NLRP2: variants seen among roughly 807,000 people sequenced by gnomAD.
The protein encoded by NLRP2 is NLR family pyrin domain containing 2, also known as NACHT, LRR and PYD domains-containing protein 2.
In NLRP2, 107 loss-of-function variants were observed where a neutral mutation model predicts 97.2. The ratio of observed to expected loss-of-function variants is 1.10; its 90% confidence interval spans 0.94 to 1.29. The LOEUF (loss-of-function observed/expected upper bound fraction) is 1.29, where lower values mean the gene tolerates loss of function less well. NLRP2 is among the 50% of genes most tolerant of loss of function. The probability of loss-of-function intolerance (pLI) is 0.00; values close to 1 mark genes in which losing one functional copy is unlikely to be tolerated. For synonymous variants in NLRP2, 663 were observed against 551.5 expected (o/e 1.20, Z -2.83); for missense variants, 1,495 against 1,330.3 (o/e 1.12, Z -1.93).
rs1654490 is a variant in NLRP2 at position 54,983,093 on chromosome 19, T to C, written c.1395T>C (p.Leu465=). 11 of 1,613,046 alleles carry C rather than the reference T, an allele frequency of 6.8e-6. No individual in the cohort carries two copies. Among genetic ancestry groups the C allele is most frequent in the Middle Eastern group, 1.7e-4 (1 of 5,924 alleles). The part of the protein sequence containing the change: ...AQGLWAQTSV[L]HREDLERLGV... ...GCCTGTGGGCGCAGACGTCCGTGCT[T>C]CACCGAGAGGATCTGGAAAGGCTCG... The change falls in exon 6 of 13, where the codon CTT becomes CTC. Residue 465 remains leucine, a synonymous_variant. Transcript: ENST00000448584.
intron 12 of NLRP2, among the ~76,000 whole-genome samples, chr19:54,999,406 C>T (rs1419672616): frequency 6.6e-6 from 1 of 152,168 alleles, no homozygotes; most frequent in African/African-American, 2.4e-5. Context: ...CTCAGCCTCC[C>T]AAAGTGCTAA....
intron 1 of NLRP2, among the ~76,000 whole-genome samples, chr19:54,968,734 G>A (rs926987707): frequency 1.2e-4 from 11 of 93,896 alleles, no homozygotes; most frequent in Non-Finnish European, 1.7e-4. Context: ...CACTCTTGTC[G>A]CCCCAGGCTG....
At chr19:54,973,534 C>A (rs912530462) in intron 2 of NLRP2, among the ~76,000 whole-genome samples, 18 of 151,854 alleles carry the variant, frequency 1.2e-4, no homozygotes, top group African/African-American at 4.4e-4. Context: ...TACCACCATG[C>A]CCGCTAATTT....
intron 2 of NLRP2, 145 bp from the exon 3 acceptor site, chr19:54,974,355 A>G: frequency 2.7e-6 from 2 of 752,884 alleles, no homozygotes; most frequent in South Asian, 3.0e-5. Context: ...TCTCAAAAAA[A>G]AAAGATGCAA....
chr19:54,975,462 T>C lies in NLRP2; in HGVS notation c.325+918T>C, dbSNP rs76634823. 7.1e-5 allele frequency among the ~76,000 whole-genome samples: 9 copies of C among 126,842 alleles called. No homozygotes were observed. The East Asian group carries it at 1.9e-3, about 26-fold the overall frequency. The allele number at this position is 126,842 out of a possible 152,430, so 83.2% of individuals were successfully genotyped here. ...ATCCTGAAGATTATTATTATTTTTT[T>C]TTTTTTTGAGATAGAGTCTCTCTCT... On this transcript the variant is annotated intron_variant, in intron 3 of 12. Coordinates refer to ENST00000448584, the MANE Select transcript of NLRP2 (RefSeq NM_017852.5).
chr19:54,990,361 T>C, intron 9 of NLRP2, 141 bp from the exon 10 acceptor site: 2 of 1,110,674 alleles, frequency 1.8e-6, no homozygotes, highest in East Asian at 2.4e-5. Flanking sequence ...CTCATTCCTA[T>C]TCCTTCATAG....
chr19:54,981,730 T>C (rs1332466100), intron 5 of NLRP2, 48 bp downstream of exon 5: 3 of 1,038,652 alleles, frequency 2.9e-6, no homozygotes, highest in Non-Finnish European at 4.6e-6. Flanking sequence ...GATTTCTCTT[T>C]ATAAACTTGA....
At chr19:54,997,191 C>T (rs1412132983) in intron 11 of NLRP2, 126 bp from the exon 12 acceptor site, 5 of 954,816 alleles carry the variant, frequency 5.2e-6, no homozygotes, top group South Asian at 1.3e-5. Flanking sequence ...AGGCGTGAAC[C>T]ACCGTGCCCG....
chr19:54,977,421 CAAAA>C (rs143558984), intron 3 of NLRP2, among the ~76,000 whole-genome samples: 1 of 148,956 alleles, frequency 6.7e-6, no homozygotes, highest in East Asian at 2.0e-4. Flanking sequence ...AACTACATCT[CAAAA>C]AAAAAGAAAA....
chr19:54,972,070 G>A lies in NLRP2; in HGVS notation c.280+1775G>A, dbSNP rs775891. 4.0e-3 allele frequency among the ~76,000 whole-genome samples: 589 copies of A among 147,262 alleles called. 4 individuals carry two copies. The highest frequency in any genetic ancestry group is 0.014 in the African/African-American group (562 of 39,890). ...TGTTAGCCAGGATAGTCTCGATGTC[G>A]TGACCTCATGATCTGCCCGCCTCGG... On this transcript the variant is annotated intron_variant, in intron 2 of 12. Coordinates refer to ENST00000448584, the MANE Select transcript of NLRP2 (RefSeq NM_017852.5).
rs1230428074 is a variant in NLRP2, at chr19:54,981,629, CGAAAG to C, written c.415_419del (p.Gly139CysfsTer6). 2.6e-6 allele frequency: 4 copies of C among 1,564,630 alleles called. No homozygotes were observed. Among genetic ancestry groups the C allele is most frequent in the Non-Finnish European group, 3.5e-6 (4 of 1,144,818 alleles). ...TTGTATTTTGTAGCGTTTACAGAAACGAAAGGAAATGTCATCTGCCTGGGTAAAGA... is the reference window on the plus strand; with the variant it reads ...TTGTATTTTGTAGCGTTTACAGAAACGAAATGTCATCTGCCTGGGTAAAGA... On this transcript the variant is annotated frameshift_variant, in exon 5 of 13. Transcript: ENST00000448584. LOFTEE classifies it high-confidence loss of function.
intron 10 of NLRP2, chr19:54,994,005 C>T (rs1387391044): frequency 1.1e-5 from 6 of 562,036 alleles, no homozygotes; most frequent in Non-Finnish European, 1.9e-5. Flanking sequence ...ATTGCTGGAC[C>T]TACCCAAATA....
At chr19:54,968,792 CCCAGGTTCAAGCGAT>C (rs554531339) in intron 1 of NLRP2, among the ~76,000 whole-genome samples, 246 of 149,762 alleles carry the variant, frequency 1.6e-3, no homozygotes, top group African/African-American at 5.5e-3. Flanking sequence ...GCCTCCCACT[CCCAGGTTCAAGCGAT>C]TCTCCTGCCT....
At chr19:54,967,552 ACT>A (rs2070538453) in intron 1 of NLRP2, among the ~76,000 whole-genome samples, 1 of 151,656 alleles carries the variant, frequency 6.6e-6, no homozygotes, top group African/African-American at 2.4e-5. Flanking sequence ...ATCTAGAGAG[ACT>A]CTAGTTAAGG....
At chr19:54,966,930 C>T (rs2146314723) in intron 1 of NLRP2, among the ~76,000 whole-genome samples, 1 of 149,802 alleles carries the variant, frequency 6.7e-6, no homozygotes, top group East Asian at 2.0e-4. Flanking sequence ...AACCCTTGAC[C>T]TCTCAGGTTC....
chr19:54,993,274 GT>G (rs35516638), intron 10 of NLRP2: 21,473 of 151,136 alleles, frequency 0.14, 2,151 homozygotes, highest in Non-Finnish European at 0.21. Context: ...TTGGGGGTGT[GT>G]TTTCACTTCT....
At chr19:54,966,755 C>A (rs1003363899) in intron 1 of NLRP2, among the ~76,000 whole-genome samples, 1 of 150,926 alleles carries the variant, frequency 6.6e-6, no homozygotes, top group African/African-American at 2.4e-5. Flanking sequence ...ACCATGTTGG[C>A]CAGGCTGGTC....
intron 3 of NLRP2, among the ~76,000 whole-genome samples, chr19:54,975,101 G>GTTTTTTTTTTTTTTTTTTTTTTTTT (rs1190231820): frequency 1.2e-5 from 1 of 83,086 alleles, no homozygotes; most frequent in Admixed American, 1.6e-4. Context: ...ACCACACCCG[G>GTTTTTTTTTTTTTTTTTTTTTTTTT]TTTTGTTTTT....
intron 12 of NLRP2, among the ~76,000 whole-genome samples, chr19:54,998,611 C>CTGTTTTTTTTTTTTTTTTTTTTTTTTT (rs2072980777): frequency 2.4e-5 from 1 of 42,198 alleles, no homozygotes. Context: ...CATCTTTTTT[C>CTGTTTTTTTTTTTTTTTTTTTTTTTTT]TTTTTTTTTT....
Sources: gnomAD v4.1 joint callset for allele counts (sites outside exome capture counted in the v4.1 genomes callset) on GRCh38, gnomAD v4.1.1 for gene constraint, MANE v1.5 for transcripts, NCBI Gene and HGNC (gene_info 2026-07-23, HGNC 2026-07-21) for gene names.